The following LY96 variants were observed in gnomAD, a reference collection of about 807,000 sequenced individuals.
LY96 encodes myeloid differentiation protein-2.
In LY96, 18 loss-of-function variants were observed where a neutral mutation model predicts 18.9. The ratio of observed to expected loss-of-function variants is 0.95; its 90% CI spans 0.66 to 1.41. The LOEUF is 1.41. Ranked by LOEUF, LY96 falls within the 40% of genes most tolerant of loss-of-function variation. The pLI is 0.00. For synonymous variants in LY96, 66 were observed against 62.6 expected (o/e 1.06, Z -0.26); for missense variants, 175 against 182.4 (o/e 0.96, Z 0.23).
the LY96 span, among the ~76,000 whole-genome samples, chr8:74,044,565 T>G: frequency 2.0e-5 from 3 of 151,368 alleles, no homozygotes; most frequent in African/African-American, 7.3e-5. Flanking sequence ...AAAATCAAGA[T>G]GTTGGCAGGG....
chr8:74,027,581 G>T (rs1010362879), intron 4 of LY96, among the ~76,000 whole-genome samples: 2 of 152,116 alleles, frequency 1.3e-5, no homozygotes, highest in African/African-American at 4.8e-5. Flanking sequence ...ACTGAGGGTC[G>T]GGCTGCCATT....
the LY96 span, among the ~76,000 whole-genome samples, chr8:74,078,939 C>T: frequency 6.6e-6 from 1 of 152,144 alleles, no homozygotes; most frequent in Non-Finnish European, 1.5e-5. Flanking sequence ...CACTTATCTG[C>T]TCATTTGTAG....
the LY96 span, among the ~76,000 whole-genome samples, chr8:74,097,820 A>G: frequency 6.6e-6 from 1 of 152,188 alleles, no homozygotes; most frequent in East Asian, 1.9e-4. Flanking sequence ...CATCAACAAT[A>G]CCTAGGGGCT....
At chr8:74,063,178 G>C in the LY96 span, among the ~76,000 whole-genome samples, 1 of 152,148 alleles carries the variant, frequency 6.6e-6, no homozygotes, top group South Asian at 2.1e-4. Context: ...CAACCCATAG[G>C]GCTGCTTGAG....
intron 1 of LY96, among the ~76,000 whole-genome samples, chr8:73,996,506 C>A (rs934568651): frequency 2.6e-5 from 4 of 151,418 alleles, no homozygotes; most frequent in African/African-American, 7.3e-5. Flanking sequence ...TCATTGCAAC[C>A]TCCCAGGTTC....
At chr8:74,001,724 C>G (rs759143220) in intron 1 of LY96, among the ~76,000 whole-genome samples, 1 of 151,952 alleles carries the variant, frequency 6.6e-6, no homozygotes, top group Non-Finnish European at 1.5e-5. Context: ...TAGTATACAC[C>G]TGTAGTCTCA....
chr8:74,067,386 T>G, the LY96 span, among the ~76,000 whole-genome samples: 9 of 152,080 alleles, frequency 5.9e-5, no homozygotes, highest in Non-Finnish European at 1.3e-4. Flanking sequence ...TGCACCACCA[T>G]GTGTAATTTT....
At chr8:74,051,425 T>A in the LY96 span, among the ~76,000 whole-genome samples, 47,830 of 152,064 alleles carry the variant, frequency 0.31, 9,949 homozygotes, top group African/African-American at 0.59. Context: ...TCAGAAATGC[T>A]TTTGACTGTA....
At chr8:74,020,904 T>C (rs753232534) in intron 3 of LY96, among the ~76,000 whole-genome samples, 4 of 152,168 alleles carry the variant, frequency 2.6e-5, no homozygotes, top group Non-Finnish European at 5.9e-5. Flanking sequence ...CCTTAAATCT[T>C]ATACAAAAAT....
the LY96 span, among the ~76,000 whole-genome samples, chr8:74,041,324 G>T: frequency 2.6e-5 from 4 of 152,146 alleles, no homozygotes; most frequent in African/African-American, 9.7e-5. Context: ...CAACTATTGT[G>T]TTAACTGTAC....
At chr8:74,014,632 G>T (rs1047340357) in intron 3 of LY96, among the ~76,000 whole-genome samples, 1 of 151,906 alleles carries the variant, frequency 6.6e-6, no homozygotes, top group African/African-American at 2.4e-5. Flanking sequence ...GATTTAAGAA[G>T]CATTGACGTA....
In LY96 at chr8:74,004,782, T is replaced by A; in HGVS notation, c.113-14T>A. On this transcript the variant is annotated splice_polypyrimidine_tract_variant and intron_variant, in intron 1 of 4. Coordinates refer to ENST00000284818, the MANE Select transcript of LY96 (RefSeq NM_015364.5). ...TTTGTAGTAATTTATTGACATTATC[T>A]TTATTGCTTTTAGATAAAATGCAAT... The A allele has an allele frequency of 6.5e-7, 1 of 1,545,922 alleles. No homozygotes were observed. The highest frequency in any genetic ancestry group is 8.9e-7 in the Non-Finnish European group (1 of 1,121,542).
At chr8:74,073,948 G>T in the LY96 span, among the ~76,000 whole-genome samples, 2 of 151,820 alleles carry the variant, frequency 1.3e-5, no homozygotes, top group East Asian at 1.9e-4. Context: ...GAGTCACAGC[G>T]CCTGACCTGA....
the LY96 span, among the ~76,000 whole-genome samples, chr8:74,070,568 C>A: frequency 6.0e-4 from 92 of 152,198 alleles, no homozygotes; most frequent in East Asian, 0.016. Flanking sequence ...TATGTTACCA[C>A]AATTATGTCA....
the LY96 span, among the ~76,000 whole-genome samples, chr8:74,074,865 AT>A: frequency 6.6e-6 from 1 of 152,040 alleles, no homozygotes; most frequent in Non-Finnish European, 1.5e-5. Context: ...TATTATTTCA[AT>A]TTTTTTGAAT....
chr8:74,059,592 C>T, the LY96 span, among the ~76,000 whole-genome samples: 1 of 152,124 alleles, frequency 6.6e-6, no homozygotes, highest in Non-Finnish European at 1.5e-5. Flanking sequence ...CAAAATTCAC[C>T]TTCCTTATGG....
At chr8:74,073,323 A>G in the LY96 span, among the ~76,000 whole-genome samples, 7 of 152,216 alleles carry the variant, frequency 4.6e-5, no homozygotes, top group Non-Finnish European at 7.3e-5. Context: ...CAACAGATGT[A>G]TGTGAGGGAA....
chr8:74,061,472 G>A, the LY96 span, among the ~76,000 whole-genome samples: 1 of 152,194 alleles, frequency 6.6e-6, no homozygotes, highest in African/African-American at 2.4e-5. Context: ...ATGAATTTTC[G>A]GGGGATGGAG....
the LY96 span, among the ~76,000 whole-genome samples, chr8:74,086,780 A>G: frequency 1.3e-5 from 2 of 152,188 alleles, no homozygotes; most frequent in African/African-American, 4.8e-5. Flanking sequence ...GTGCCCTTAT[A>G]AAAGAGGTGC....
Sources: allele counts gnomAD v4.1 joint callset (sites outside exome capture counted in the v4.1 genomes callset), GRCh38; gene constraint gnomAD v4.1.1; transcripts MANE v1.5; gene names NCBI Gene and HGNC (gene_info 2026-07-23, HGNC 2026-07-21).